The following ERC2 variants were observed in gnomAD, a reference collection of about 807,000 sequenced individuals.
ERC2 encodes the protein ELKS/RAB6-interacting/CAST family member 2, also known as ERC protein 2.
A neutral mutation model predicts 114.8 loss-of-function variants in ERC2; 42 were observed. The observed-to-expected ratio is 0.37, with a 90% CI of 0.29 to 0.47. ERC2 has a LOEUF of 0.47. ERC2 is among the 20% of genes least tolerant of loss of function. The pLI, the probability that ERC2 is intolerant of heterozygous loss-of-function variation, is 0.99. For synonymous variants in ERC2, 454 were observed against 425.5 expected, an observed-to-expected ratio of 1.07 and a Z score of -0.82; for missense variants, 939 against 1,150.7, an observed-to-expected ratio of 0.82 and a Z score of 2.66.
At chr3:56,209,392 T>G (rs1396576280) in intron 3 of ERC2, among the ~76,000 whole-genome samples, 1 of 152,174 alleles carries the variant, frequency 6.6e-6, no homozygotes, top group Non-Finnish European at 1.5e-5. Flanking sequence ...CAGTCCTTAT[T>G]CTGGAAATGT....
At chr3:56,019,294 T>C (rs2073539089) in intron 7 of ERC2, among the ~76,000 whole-genome samples, 1 of 152,136 alleles carries the variant, frequency 6.6e-6, no homozygotes, top group Admixed American at 6.5e-5. Flanking sequence ...ACGTAATCAC[T>C]ATTATTTCTT....
intron 7 of ERC2, among the ~76,000 whole-genome samples, chr3:56,056,573 C>CT (rs2076024090): frequency 2.0e-5 from 3 of 152,094 alleles, no homozygotes; most frequent in Non-Finnish European, 2.9e-5. Context: ...TATGTATGGG[C>CT]CTTGTGAGAG....
intron 17 of ERC2, among the ~76,000 whole-genome samples, chr3:55,532,305 A>G (rs2053717692): frequency 6.6e-6 from 1 of 152,194 alleles, no homozygotes. Flanking sequence ...CCCCAGCTAT[A>G]TAGGTCTCTT....
intron 3 of ERC2, among the ~76,000 whole-genome samples, chr3:56,225,676 G>C (rs1005490380): frequency 3.3e-5 from 5 of 152,112 alleles, no homozygotes; most frequent in African/African-American, 1.2e-4. Context: ...TTCTTACTAA[G>C]GCTCTGCATT....
rs5849151 is a variant in ERC2, at chr3:56,381,762, A to AGG, written c.657+52587_657+52588dup. 3.6e-4 allele frequency among the ~76,000 whole-genome samples: 54 copies of AGG among 150,094 alleles called. 1 individual carries two copies. The Middle Eastern group carries it at 0.01, about 28-fold the overall frequency. ...AAAAGTAAGGTGGAAAAAGAAAAAAAGGGGGGGGTGGAAAAAAACCAGGCA... is the reference window on the plus strand; with the variant it reads ...AAAAGTAAGGTGGAAAAAGAAAAAAAGGGGGGGGGGTGGAAAAAAACCAGGCA... On this transcript the variant is annotated intron_variant, in intron 2 of 17. Transcript: ENST00000288221.
chr3:55,734,968 A>G (rs140962855), intron 14 of ERC2, 50 bp from the exon 15 acceptor site: 2 of 1,461,940 alleles, frequency 1.4e-6, no homozygotes, highest in Non-Finnish European at 1.8e-6. Context: ...AAAAAAAAAA[A>G]CAAACAATTG....
At chr3:56,426,861 G>C (rs189484024) in intron 2 of ERC2, among the ~76,000 whole-genome samples, 35 of 152,188 alleles carry the variant, frequency 2.3e-4, no homozygotes, top group African/African-American at 8.2e-4. Flanking sequence ...CTAATACGTA[G>C]GTGCTTAGTT....
intron 7 of ERC2, among the ~76,000 whole-genome samples, chr3:56,021,913 TA>T (rs1423368109): frequency 1.3e-5 from 2 of 152,238 alleles, no homozygotes; most frequent in Non-Finnish European, 2.9e-5. Flanking sequence ...CATTCTTTTT[TA>T]TGGCTACATA....
intron 3 of ERC2, among the ~76,000 whole-genome samples, chr3:56,289,671 T>A (rs969693633): frequency 1.3e-5 from 2 of 152,194 alleles, no homozygotes; most frequent in Admixed American, 6.5e-5. Context: ...AATCATGCTT[T>A]CCCACCAACC....
chr3:56,104,580 T>C (rs2078543197), intron 6 of ERC2, among the ~76,000 whole-genome samples: 1 of 152,126 alleles, frequency 6.6e-6, no homozygotes, highest in Non-Finnish European at 1.5e-5. Context: ...ACTTCGGTTA[T>C]TGGGCTATGT....
chr3:55,511,327 T>C (rs1216782306), intron 17 of ERC2, 51 bp from the exon 18 acceptor site: 2 of 152,486 alleles, frequency 1.3e-5, no homozygotes, highest in African/African-American at 4.8e-5. Flanking sequence ...GGCAACAATA[T>C]CTGAGATAAT....
chr3:55,956,878 G>A (rs1025384158), intron 12 of ERC2, among the ~76,000 whole-genome samples: 5 of 152,010 alleles, frequency 3.3e-5, no homozygotes, highest in African/African-American at 4.8e-5. Flanking sequence ...TCTCCCTACC[G>A]ATGGTCCTTG....
At chr3:55,875,300 T>A (rs1306343071) in intron 14 of ERC2, among the ~76,000 whole-genome samples, 1 of 152,198 alleles carries the variant, frequency 6.6e-6, no homozygotes, top group Non-Finnish European at 1.5e-5. Flanking sequence ...TAGAGTGGAA[T>A]GACAGCAATT....
chr3:55,543,000 C>G (rs1394814531), intron 17 of ERC2, among the ~76,000 whole-genome samples: 1 of 152,230 alleles, frequency 6.6e-6, no homozygotes, highest in African/African-American at 2.4e-5. Context: ...CTGGGATGAT[C>G]TGCTAGGTCC....
At chr3:56,419,775 G>A (rs1244666439) in intron 2 of ERC2, among the ~76,000 whole-genome samples, 22 of 152,152 alleles carry the variant, frequency 1.4e-4, no homozygotes, top group Non-Finnish European at 2.9e-5. Context: ...TTGCAGTAGG[G>A]ATGAGGAAGT....
rs532719762 is a variant in ERC2, at chr3:56,391,780, T to TG, written c.657+42570dup. Among the ~76,000 whole-genome samples the TG allele has an allele frequency of 2.1e-3, 313 of 152,238 alleles. 1 individual carries two copies. Among genetic ancestry groups the TG allele is most frequent in the Non-Finnish European group, 3.2e-3 (219 of 68,006 alleles). On this transcript the variant is annotated intron_variant, in intron 2 of 17. Coordinates refer to ENST00000288221, the MANE Select transcript of ERC2 (RefSeq NM_015576.3). ...ATGCGATTATGGGGAACATCTCTCTTGGGGGGAGAAAAATGTGCCTGTAAT... is the reference window on the plus strand; with the variant it reads ...ATGCGATTATGGGGAACATCTCTCTTGGGGGGGAGAAAAATGTGCCTGTAAT...
chr3:55,888,813 A>G (rs958374855), intron 13 of ERC2, among the ~76,000 whole-genome samples: 1 of 152,208 alleles, frequency 6.6e-6, no homozygotes, highest in African/African-American at 2.4e-5. Context: ...GGTTGAGTGT[A>G]TACTACTCGG....
In ERC2 at chr3:55,713,131, T is replaced by TCACACACACA. The variant is rs10656961; in HGVS notation, c.2713-13629_2713-13620dup. Among the ~76,000 whole-genome samples the TCACACACACA allele has an allele frequency of 7.5e-3, 1,043 of 139,402 alleles. 12 individuals carry two copies. Among genetic ancestry groups the TCACACACACA allele is most frequent in the African/African-American group, 0.014 (529 of 37,114 alleles). 91.5% of individuals were successfully genotyped at this position (139,402 alleles called of 152,430 possible). On this transcript the variant is annotated intron_variant, in intron 15 of 17. Transcript: ENST00000288221. ...CTCTCTCTCTCTCTCTCTCTCTGTC[T>TCACACACACA]CACACACACACACACACACACACAC...
intron 15 of ERC2, among the ~76,000 whole-genome samples, chr3:55,713,053 A>G (rs1004157038): frequency 2.0e-5 from 3 of 151,286 alleles, no homozygotes; most frequent in African/African-American, 7.3e-5. Context: ...GCTCTAATTT[A>G]CAATTGATTA....
Sources: allele counts gnomAD v4.1 joint callset (sites outside exome capture counted in the v4.1 genomes callset), GRCh38; gene constraint gnomAD v4.1.1; transcripts MANE v1.5; gene names NCBI Gene and HGNC (gene_info 2026-07-23, HGNC 2026-07-21).